LIMK2: variants seen among roughly 807,000 people sequenced by gnomAD.
LIMK2 encodes the protein LIM domain kinase 2.
Under a neutral mutation model 75.7 loss-of-function variants are expected in LIMK2, and 35 were observed. The observed-to-expected ratio is 0.46, with a 90% CI of 0.35 to 0.61. LIMK2 has a LOEUF of 0.61. LIMK2 is among the 20% of genes least tolerant of loss of function. LIMK2 has a pLI of 0.00. For synonymous variants in LIMK2, 301 were observed against 319.2 expected (o/e 0.94, Z 0.61); for missense variants, 623 against 831.0 (o/e 0.75, Z 3.08).
chr22:31,272,808 C>T (rs16989469), intron 13 of LIMK2, 104 bp downstream of exon 13: 220,844 of 1,450,868 alleles, frequency 0.15, 22,155 homozygotes, highest in African/African-American at 0.51. Flanking sequence ...AGCGTAGGAC[C>T]GGATACCCAG....
At chr22:31,276,790 G>A (rs1569005371) in intron 15 of LIMK2, 1 of 1,597,202 alleles carries the variant, frequency 6.3e-7, no homozygotes. Flanking sequence ...TACTTTCAGA[G>A]CCCCCCCCGG....
At chr22:31,229,586 C>A (rs916402840) in intron 2 of LIMK2, among the ~76,000 whole-genome samples, 1 of 152,126 alleles carries the variant, frequency 6.6e-6, no homozygotes, top group East Asian at 1.9e-4. Flanking sequence ...TTCAAGGCCC[C>A]CTTCCAGCCT....
chr22:31,232,263 A>AAC (rs1351522456), intron 2 of LIMK2, among the ~76,000 whole-genome samples: 4 of 151,892 alleles, frequency 2.6e-5, no homozygotes, highest in African/African-American at 9.7e-5. Flanking sequence ...GAAAAAAAAA[A>AAC]AAAAAACAGT....
chr22:31,256,084 C>T (rs943793282), intron 2 of LIMK2, among the ~76,000 whole-genome samples: 7 of 141,842 alleles, frequency 4.9e-5, no homozygotes, highest in African/African-American at 1.3e-4. Flanking sequence ...CCACAACCTC[C>T]GCTTCCCAGG....
intron 2 of LIMK2, among the ~76,000 whole-genome samples, chr22:31,231,921 A>G (rs544820681): frequency 6.6e-6 from 1 of 152,064 alleles, no homozygotes; most frequent in Non-Finnish European, 1.5e-5. Context: ...AGCTCAAGCA[A>G]TCCTCCCACC....
chr22:31,261,414 C>T (rs561372285), intron 5 of LIMK2, among the ~76,000 whole-genome samples: 279 of 152,162 alleles, frequency 1.8e-3, no homozygotes, highest in Non-Finnish European at 3.2e-3. Flanking sequence ...GGCATGGTGG[C>T]GGACGCCTGT....
chr22:31,246,435 A>G (rs1219324276), intron 2 of LIMK2, among the ~76,000 whole-genome samples: 3 of 152,002 alleles, frequency 2.0e-5, no homozygotes, highest in Non-Finnish European at 4.4e-5. Flanking sequence ...CATGTCCCTT[A>G]GTTTATGTTT....
chr22:31,257,505 A>T (rs1244946723), intron 2 of LIMK2, among the ~76,000 whole-genome samples: 1 of 152,208 alleles, frequency 6.6e-6, no homozygotes, highest in African/African-American at 2.4e-5. Context: ...TATAAGTCAG[A>T]TATCATTACA....
At position 31,225,737 on chromosome 22, in the gene LIMK2, T is replaced by A; in HGVS notation, c.34T>A (p.Cys12Ser). 6.2e-7 allele frequency: 1 copy of A among 1,613,950 alleles called. No homozygotes were observed. The highest frequency in any genetic ancestry group is 8.5e-7 in the Non-Finnish European group (1 of 1,179,904). Reference sequence around the variant, plus strand: ...GTGTGCAGGTGAAGATGTCTGGAGGTGTCCAGGCTGTGGGGACCACATTGC... The same window carrying A: ...GTGTGCAGGTGAAGATGTCTGGAGGAGTCCAGGCTGTGGGGACCACATTGC... ...SALAGEDVWR[C>S]PGCGDHIAPS... The change falls in exon 2 of 16, where the codon TGT (cysteine) becomes AGT (serine). Residue 12 changes from cysteine (C) to serine (S), a missense_variant. By Grantham distance (112) the Cys-to-Ser change is moderately radical (BLOSUM62 -1). Coordinates refer to ENST00000331728, the MANE Select transcript of LIMK2 (RefSeq NM_005569.4).
rs948787834 is a variant in LIMK2 at position 31,217,406 on chromosome 22, A to G, written c.16+4982A>G. Among the ~76,000 whole-genome samples the G allele has an allele frequency of 3.9e-5, 6 of 152,226 alleles. No individual in the cohort carries two copies. In the East Asian group the frequency reaches 9.7e-4, roughly 25 times the overall value. On this transcript the variant is annotated intron_variant, in intron 1 of 15. Transcript: ENST00000331728. ...AGCGAGACTCCGTCTCAGAAAAAAA[A>G]AAAAAGACAGGCTTTGGAGACTAGA...
At position 31,279,326 on chromosome 22, in the gene LIMK2, G is replaced by A. The variant is rs139676745; in HGVS notation, c.*885G>A. 6.6e-6 allele frequency: 1 copy of A among 152,258 alleles called. No homozygotes were observed. Among genetic ancestry groups the A allele is most frequent in the Non-Finnish European group, 1.5e-5 (1 of 68,072 alleles). The allele number at this position is 152,258 out of a possible 1,614,324, so 9.4% of individuals were successfully genotyped here. On this transcript the variant is annotated 3_prime_UTR_variant, in exon 16 of 16. Transcript: ENST00000331728. ...AAACATTTTGCCTAAAGCTCGATGG[G>A]TTCTGGAGGACAGTGTGGCTTGTCA...
chr22:31,246,270 A>G (rs905161311), intron 2 of LIMK2, among the ~76,000 whole-genome samples: 1 of 150,512 alleles, frequency 6.6e-6, no homozygotes, highest in African/African-American at 2.4e-5. Flanking sequence ...AGGCTTAGGT[A>G]GGAGGATCAC....
Position 31,275,241 on chromosome 22 carries a change from C to T in LIMK2, c.1705C>T (p.Pro569Ser), listed in dbSNP as rs527658172. The T allele has an allele frequency of 6.2e-7, 1 of 1,614,174 alleles. No individual in the cohort carries two copies. The highest frequency in any genetic ancestry group is 8.5e-7 in the Non-Finnish European group (1 of 1,180,026). ...NVKLFWEKFV[P>S]TDCPPAFFPL... is the part of the protein sequence containing the mutation. ...GAAGCTTTTCTGGGAGAAGTTTGTT[C>T]CCACAGATTGTCCCCCGGCCTTCTT... Residue 569 changes from proline (P) to serine (S), a missense_variant, in exon 15 of 16, where the codon CCC (proline) becomes TCC (serine). Physicochemically the swap from Pro to Ser is moderately conservative, Grantham distance 74. Coordinates refer to ENST00000331728, the MANE Select transcript of LIMK2 (RefSeq NM_005569.4).
At chr22:31,229,262 T>C (rs1174706672) in intron 2 of LIMK2, among the ~76,000 whole-genome samples, 1 of 152,178 alleles carries the variant, frequency 6.6e-6, no homozygotes, top group Non-Finnish European at 1.5e-5. Context: ...TTTCCCCTGG[T>C]AAATTCAAAC....
At chr22:31,229,005 A>G (rs2048502536) in intron 2 of LIMK2, among the ~76,000 whole-genome samples, 2 of 152,084 alleles carry the variant, frequency 1.3e-5, no homozygotes, top group South Asian at 2.1e-4. Flanking sequence ...ACTTTATATT[A>G]TGTTGTGAGT....
chr22:31,271,328 C>T (rs2048954683), intron 12 of LIMK2, 127 bp downstream of exon 12: 2 of 771,104 alleles, frequency 2.6e-6, no homozygotes, highest in Admixed American at 2.0e-5. Flanking sequence ...CCTATCTTTC[C>T]CTTCCTGCTT....
At chr22:31,225,300 A>G (rs375828802) in intron 1 of LIMK2, among the ~76,000 whole-genome samples, 2 of 152,232 alleles carry the variant, frequency 1.3e-5, no homozygotes, top group South Asian at 2.1e-4. Context: ...AAAGGCAGTA[A>G]CATGTTTAAC....
At position 31,268,184 on chromosome 22, in the gene LIMK2, G is replaced by A; in HGVS notation, c.1301G>A (p.Gly434Glu). The A allele has an allele frequency of 6.2e-7, 1 of 1,613,998 alleles. No individual in the cohort carries two copies. Among genetic ancestry groups the A allele is most frequent in the Non-Finnish European group, 8.5e-7 (1 of 1,179,944 alleles). The change falls in exon 11 of 16, where the codon GGA becomes GAA. Residue 434 changes from glycine (G) to glutamate (E), a missense_variant. Physicochemically the swap from Gly to Glu is moderately conservative, Grantham distance 98. This residue lies in a region of LIMK2 where 514 missense variants were observed against 661.3 expected (regional missense o/e 0.78). Coordinates refer to ENST00000331728, the MANE Select transcript of LIMK2 (RefSeq NM_005569.4). ...PWQQKVRFAKGIASGMAYLHS... is the reference protein window; with the variant it reads ...PWQQKVRFAKEIASGMAYLHS... ...CAGCAGAAGGTCAGGTTTGCCAAAG[G>A]AATCGCCTCCGGAATGGTGAGTCCC... is the stretch of plus-strand genomic sequence containing the variant.
Position 31,268,149 on chromosome 22 carries a change from G to A in LIMK2, c.1266G>A (p.Pro422=), listed in dbSNP as rs776528176. The A allele has an allele frequency of 4.8e-5, 78 of 1,613,922 alleles. No individual in the cohort carries two copies. The highest frequency in any genetic ancestry group is 6.7e-5 in the African/African-American group (5 of 74,918). Reference sequence around the variant, plus strand: ...AATCATTCCCCATTCTGCAGGATCCGTTCCCCTGGCAGCAGAAGGTCAGGT... The same window carrying A: ...AATCATTCCCCATTCTGCAGGATCCATTCCCCTGGCAGCAGAAGGTCAGGT... The part of the protein sequence containing the change: ...TLKDFLRSMD[P]FPWQQKVRFA... The change falls in exon 11 of 16, where the codon CCG becomes CCA. Residue 422 remains proline, a synonymous_variant. Coordinates refer to ENST00000331728, the MANE Select transcript of LIMK2 (RefSeq NM_005569.4).
Sources: allele counts gnomAD v4.1 joint callset (sites outside exome capture counted in the v4.1 genomes callset), GRCh38; gene constraint gnomAD v4.1.1; regional missense constraint gnomAD v4.1.1; transcripts MANE v1.5; gene names NCBI Gene and HGNC (gene_info 2026-07-23, HGNC 2026-07-21).